Variants in PNO1 observed in about 807,000 individuals in gnomAD.
The protein encoded by PNO1 is partner of NOB1 homolog, also known as RNA-binding protein PNO1.
In PNO1, 16 loss-of-function variants were observed where a neutral mutation model predicts 28.4. The observed-to-expected ratio is 0.56, with a 90% CI of 0.38 to 0.85. PNO1 has a LOEUF of 0.85. Among genes scored for constraint, PNO1 ranks in the 40% least tolerant of loss-of-function variants. The probability of loss-of-function intolerance (pLI) is 0.00; values close to 1 mark genes in which losing one functional copy is unlikely to be tolerated. For missense variants in PNO1, 304 were observed against 312.2 expected (o/e 0.97, Z 0.20); for synonymous variants, 115 against 110.8 (o/e 1.04, Z -0.24).
chr2:68,172,879 T>C (rs1391839056), intron 5 of PNO1, among the ~76,000 whole-genome samples: 2 of 152,118 alleles, frequency 1.3e-5, no homozygotes, highest in Admixed American at 1.3e-4. Flanking sequence ...CAAACAATTC[T>C]TTGTCTTTTC....
intron 2 of PNO1, among the ~76,000 whole-genome samples, chr2:68,159,458 G>A (rs1482876566): frequency 2.6e-5 from 4 of 151,444 alleles, no homozygotes; most frequent in Non-Finnish European, 4.4e-5. Flanking sequence ...ATCACATCTC[G>A]GCCTCCCAAA....
chr2:68,161,445 G>A (rs1457066144), intron 2 of PNO1: 34 of 503,314 alleles, frequency 6.8e-5, no homozygotes, highest in Non-Finnish European at 1.1e-4. Flanking sequence ...ATATAGTGCG[G>A]TTAGTTATTT....
At position 68,158,089 on chromosome 2, in the gene PNO1, C is replaced by T. The variant is rs778563548; in HGVS notation, c.155C>T (p.Ala52Val). ...GDAGRMDTEE[A>V]RPAKRPVFPP... Reference sequence around the variant, plus strand: ...GCGGGCCGCATGGACACAGAGGAGGCCAGGCCGGCGAAGAGGCCCGTCTTC... The same window carrying T: ...GCGGGCCGCATGGACACAGAGGAGGTCAGGCCGGCGAAGAGGCCCGTCTTC... The change falls in exon 1 of 7, where the codon GCC becomes GTC. Residue 52 changes from alanine to valine, a missense_variant. Transcript: ENST00000263657. The T allele has an allele frequency of 4.3e-6, 7 of 1,612,588 alleles. No homozygotes were observed. The South Asian group carries it at 7.7e-5, about 18-fold the overall frequency.
rs146981426 is a variant in PNO1, at chr2:68,173,414, T to C, written c.688T>C (p.Leu230=). Residue 230 remains leucine (L), a synonymous_variant, in exon 6 of 7, where the codon TTG becomes CTG. Coordinates refer to ENST00000263657, the MANE Select transcript of PNO1 (RefSeq NM_020143.4). ...AAGAACTGCCATTTGCAACCTAATC[T>C]TGGGTAATAGCAGTTTCTTTCTTTG... is the stretch of plus-strand genomic sequence containing the variant. The part of the protein sequence containing the change: ...MARTAICNLI[L]GNPPSKVYGN... 8 of 1,581,692 alleles carry C rather than the reference T, an allele frequency of 5.1e-6. 1 individual carries two copies. The highest frequency in any genetic ancestry group is 7.0e-6 in the Non-Finnish European group (8 of 1,150,606).
Position 68,162,331 on chromosome 2 carries a change from T to C in PNO1, c.502+6T>C. 1 of 1,600,420 alleles carries C rather than the reference T, an allele frequency of 6.2e-7. No homozygotes were observed. Among genetic ancestry groups the C allele is most frequent in the Non-Finnish European group, 8.5e-7 (1 of 1,172,216 alleles). On this transcript the variant is annotated splice_donor_region_variant and intron_variant, in intron 4 of 6. Coordinates refer to ENST00000263657, the MANE Select transcript of PNO1 (RefSeq NM_020143.4). The stretch of plus-strand genomic sequence containing the variant: ...GTCTTTTGAAATTACAGATGGTGAG[T>C]GTGTGTTGGTCTGCGCTCTTGTGTC...
At chr2:68,168,228 G>C (rs180675401) in intron 5 of PNO1, among the ~76,000 whole-genome samples, 60 of 152,210 alleles carry the variant, frequency 3.9e-4, no homozygotes, top group Non-Finnish European at 7.1e-4. Context: ...CTTGTATACC[G>C]AGTAAATGTA....
intron 5 of PNO1, among the ~76,000 whole-genome samples, chr2:68,170,610 T>C (rs1322099458): frequency 2.6e-5 from 4 of 151,788 alleles, no homozygotes; most frequent in Admixed American, 2.6e-4. Flanking sequence ...TAGTCGGGCG[T>C]GGTGGTGGGC....
chr2:68,165,224 C>G (rs954625104), intron 5 of PNO1, among the ~76,000 whole-genome samples: 1 of 151,314 alleles, frequency 6.6e-6, no homozygotes, highest in African/African-American at 2.4e-5. Context: ...ATTAGCCGGG[C>G]GTAGTGGCGG....
intron 5 of PNO1, among the ~76,000 whole-genome samples, chr2:68,163,524 C>G (rs1673890905): frequency 6.6e-6 from 1 of 150,814 alleles, no homozygotes; most frequent in Non-Finnish European, 1.5e-5. Context: ...GAGTGAGACT[C>G]TGTCTCAAAT....
At chr2:68,158,552 C>A in intron 2 of PNO1, 23 bp downstream of exon 2, 1 of 1,598,410 alleles carries the variant, frequency 6.3e-7, no homozygotes. Flanking sequence ...TCAATCATTT[C>A]CCAATACACC....
chr2:68,169,803 C>T (rs1256160953), intron 5 of PNO1, among the ~76,000 whole-genome samples: 1 of 152,192 alleles, frequency 6.6e-6, no homozygotes, highest in Non-Finnish European at 1.5e-5. Context: ...CGATACTTAG[C>T]TCCTCTCTGG....
intron 2 of PNO1, among the ~76,000 whole-genome samples, chr2:68,159,165 C>G (rs539988304): frequency 2.5e-4 from 38 of 151,976 alleles, no homozygotes; most frequent in Non-Finnish European, 3.1e-4. Context: ...GGTCACTGAT[C>G]AAAATGTCAT....
chr2:68,162,041 AGGT>A (rs1673844716), intron 3 of PNO1, among the ~76,000 whole-genome samples: 1 of 151,936 alleles, frequency 6.6e-6, no homozygotes, highest in Non-Finnish European at 1.5e-5. Flanking sequence ...TGGGAGGCTG[AGGT>A]GGGAGAATCA....
intron 1 of PNO1, 45 bp downstream of exon 1, chr2:68,158,186 C>G (rs575620856): frequency 5.2e-6 from 8 of 1,523,962 alleles, no homozygotes; most frequent in East Asian, 2.3e-5. Flanking sequence ...AAGGGCCAGA[C>G]GCGGATCAAG....
intron 6 of PNO1, among the ~76,000 whole-genome samples, chr2:68,173,662 A>G (rs1468951498): frequency 1.4e-5 from 2 of 143,196 alleles, no homozygotes. Context: ...GGCTCACTGC[A>G]ACCTCTGCCT....
intron 5 of PNO1, among the ~76,000 whole-genome samples, chr2:68,171,980 T>TG (rs777400569): frequency 6.6e-6 from 1 of 151,832 alleles, no homozygotes; most frequent in East Asian, 1.9e-4. Context: ...ATCGAAATTA[T>TG]GGGGGGGTTG....
intron 5 of PNO1, among the ~76,000 whole-genome samples, chr2:68,168,153 G>T (rs1179169724): frequency 6.6e-6 from 1 of 152,184 alleles, no homozygotes; most frequent in Non-Finnish European, 1.5e-5. Context: ...TGCTGAATGC[G>T]TTGGCCAAGT....
intron 2 of PNO1, chr2:68,161,177 G>C (rs1244540529): frequency 2.1e-6 from 1 of 469,898 alleles, no homozygotes; most frequent in Non-Finnish European, 4.4e-6. Context: ...TTTGAGGACA[G>C]GTTCAGTGCT....
intron 5 of PNO1, among the ~76,000 whole-genome samples, chr2:68,172,042 G>A (rs1674144469): frequency 6.6e-6 from 1 of 152,156 alleles, no homozygotes; most frequent in Non-Finnish European, 1.5e-5. Flanking sequence ...GGAAGAGGCT[G>A]GAGTAGGGTG....
Sources: gnomAD v4.1 joint callset for allele counts (sites outside exome capture counted in the v4.1 genomes callset) on GRCh38, gnomAD v4.1.1 for gene constraint, MANE v1.5 for transcripts, NCBI Gene and HGNC (gene_info 2026-07-23, HGNC 2026-07-21) for gene names.